Variants in STK24 observed in about 807,000 individuals in gnomAD.
The protein encoded by STK24 is serine/threonine kinase 24.
STK24 carries 21 observed loss-of-function variants against 55.6 expected under a neutral mutation model. The ratio of observed to expected loss-of-function variants is 0.38; its 90% CI spans 0.27 to 0.54. The LOEUF (loss-of-function observed/expected upper bound fraction) is 0.54. STK24 is among the 20% of genes least tolerant of loss of function. The probability of loss-of-function intolerance (pLI) is 0.79; values close to 1 mark genes in which losing one functional copy is unlikely to be tolerated. For synonymous variants in STK24, 200 were observed against 215.2 expected, an observed-to-expected ratio of 0.93 and a Z score of 0.62; for missense variants, 383 against 538.4, an observed-to-expected ratio of 0.71 and a Z score of 2.86.
intron 1 of STK24, among the ~76,000 whole-genome samples, chr13:98,569,293 G>A (rs1462789748): frequency 6.6e-6 from 1 of 151,854 alleles, no homozygotes; most frequent in Non-Finnish European, 1.5e-5. Flanking sequence ...TATCAACTGA[G>A]GGAGAAGAAA....
At chr13:98,535,740 G>A (rs1359809241) in intron 1 of STK24, among the ~76,000 whole-genome samples, 1 of 152,162 alleles carries the variant, frequency 6.6e-6, no homozygotes, top group Non-Finnish European at 1.5e-5. Context: ...CTCGGAAGCG[G>A]GGTTTAAGGA....
At chr13:98,556,868 A>G (rs986872036) in intron 1 of STK24, among the ~76,000 whole-genome samples, 2 of 152,234 alleles carry the variant, frequency 1.3e-5, no homozygotes, top group African/African-American at 2.4e-5. Context: ...AATGATGTAT[A>G]TATTAGGTAT....
At chr13:98,493,721 A>AT (rs113613530) in intron 2 of STK24, among the ~76,000 whole-genome samples, 38 of 152,228 alleles carry the variant, frequency 2.5e-4, no homozygotes, top group African/African-American at 7.7e-4. Flanking sequence ...AAAAAAAGTG[A>AT]TTTTTTATGA....
chr13:98,461,040 T>C (rs1335838055), intron 8 of STK24, among the ~76,000 whole-genome samples: 2 of 125,008 alleles, frequency 1.6e-5, no homozygotes, highest in African/African-American at 6.2e-5. Context: ...AGAGACCCCG[T>C]CTCAAAAAAA....
intron 2 of STK24, chr13:98,508,996 G>C (rs1895788161): frequency 1.3e-5 from 2 of 152,196 alleles, no homozygotes; most frequent in Admixed American, 1.3e-4. Flanking sequence ...GAATTAATTT[G>C]TAATGTGGCT....
intron 2 of STK24, among the ~76,000 whole-genome samples, chr13:98,485,873 C>T (rs1213534713): frequency 6.6e-6 from 1 of 152,236 alleles, no homozygotes; most frequent in African/African-American, 2.4e-5. Flanking sequence ...CCTGGCACTT[C>T]TGGGGCTCTC....
chr13:98,475,181 A>G (rs527794704), intron 4 of STK24, 69 bp downstream of exon 4: 2 of 1,459,378 alleles, frequency 1.4e-6, no homozygotes, highest in African/African-American at 1.4e-5. Context: ...CCTTCCCTTG[A>G]GAAGTCTTCA....
At chr13:98,522,360 A>C (rs3858779) in intron 1 of STK24, among the ~76,000 whole-genome samples, 82 of 152,224 alleles carry the variant, frequency 5.4e-4, no homozygotes, top group Non-Finnish European at 6.9e-4. Flanking sequence ...CTGCCCGAAC[A>C]GAACCACCTA....
chr13:98,445,376 GTTGT>G lies in STK24; in HGVS notation c.*7793_*7796del, dbSNP rs1313206024. On this transcript the variant is annotated 3_prime_UTR_variant, in exon 11 of 11. Transcript: ENST00000539966. ...CACCAGTGCGTCAGGCCTGCTCAGA[GTTGT>G]TTGGAGGTAGCATGGACACAGGTGC... The G allele has an allele frequency of 6.6e-6, 1 of 152,276 alleles. No individual in the cohort carries two copies. Among genetic ancestry groups the G allele is most frequent in the African/African-American group, 2.4e-5 (1 of 41,462 alleles). The allele number at this position is 152,276 out of a possible 1,614,324, so 9.4% of individuals were successfully genotyped here. A position where few individuals can be genotyped will look rare whatever the true frequency, so the allele number is the denominator to read the frequency against.
chr13:98,481,364 G>C (rs536698068), intron 3 of STK24, among the ~76,000 whole-genome samples: 1 of 152,188 alleles, frequency 6.6e-6, no homozygotes, highest in African/African-American at 2.4e-5. Flanking sequence ...CATGTGGACT[G>C]GAGGCCACAG....
rs113376860 is a variant in STK24, at chr13:98,571,511, A to G, written c.42+5234T>C. ...CCAGATCTGAGACTGGACTCCTCCA[A>G]AAGTTTGGGTTTTTCTAATTTAAAA... is the stretch of plus-strand genomic sequence containing the variant. On this transcript the variant is annotated intron_variant, in intron 1 of 10. Coordinates refer to ENST00000539966, the MANE Select transcript of STK24 (RefSeq NM_001032296.4). Among the ~76,000 whole-genome samples, 585 of 152,266 alleles carry G rather than the reference A, an allele frequency of 3.8e-3. 4 individuals carry two copies. Among genetic ancestry groups the G allele is most frequent in the African/African-American group, 0.013 (541 of 41,548 alleles).
At chr13:98,471,087 C>G (rs1352279668) in intron 5 of STK24, among the ~76,000 whole-genome samples, 1 of 152,194 alleles carries the variant, frequency 6.6e-6, no homozygotes. Context: ...CACATTCTTC[C>G]CTGGCCCTCA....
At chr13:98,481,828 A>G (rs779757525) in intron 3 of STK24, among the ~76,000 whole-genome samples, 22 of 152,134 alleles carry the variant, frequency 1.4e-4, no homozygotes, top group Non-Finnish European at 2.5e-4. Context: ...AGCGGGGATC[A>G]CTCGAGGTCA....
intron 1 of STK24, chr13:98,522,076 CA>C (rs1242053857): frequency 7.3e-7 from 1 of 1,369,610 alleles, no homozygotes; most frequent in East Asian, 2.9e-5. Context: ...CCCACCACTG[CA>C]GCCTGGCTCC....
intron 8 of STK24, 134 bp from the exon 9 acceptor site, chr13:98,460,574 C>T (rs1566344862): frequency 4.5e-6 from 3 of 668,384 alleles, no homozygotes; most frequent in East Asian, 2.8e-5. Context: ...ACACCCTCTG[C>T]GCACCATAAC....
intron 2 of STK24, among the ~76,000 whole-genome samples, chr13:98,506,156 C>A (rs1895671984): frequency 6.6e-6 from 1 of 152,186 alleles, no homozygotes; most frequent in Non-Finnish European, 1.5e-5. Flanking sequence ...AAAATCTAAA[C>A]CAGTCACCAC....
chr13:98,567,120 G>A (rs771527402), intron 1 of STK24, among the ~76,000 whole-genome samples: 1 of 152,194 alleles, frequency 6.6e-6, no homozygotes, highest in East Asian at 1.9e-4. Flanking sequence ...CCAAAGAAGA[G>A]CTTTCGCTGT....
At chr13:98,551,532 AG>A (rs1263877241) in intron 1 of STK24, among the ~76,000 whole-genome samples, 1 of 151,258 alleles carries the variant, frequency 6.6e-6, no homozygotes, top group Non-Finnish European at 1.5e-5. Context: ...TTCATGCAGG[AG>A]GGAGGAAGGA....
intron 1 of STK24, among the ~76,000 whole-genome samples, chr13:98,561,969 CTCCGTCTCAAAA>C (rs1897433493): frequency 8.0e-6 from 1 of 124,234 alleles, no homozygotes; most frequent in African/African-American, 3.2e-5. Flanking sequence ...CAGAGTGAGA[CTCCGTCTCAAAA>C]AAAAAAAAAA....
Sources: allele counts gnomAD v4.1 joint callset (sites outside exome capture counted in the v4.1 genomes callset), GRCh38; gene constraint gnomAD v4.1.1; transcripts MANE v1.5; gene names NCBI Gene and HGNC (gene_info 2026-07-23, HGNC 2026-07-21).